Variants in EYA2 observed in about 807,000 individuals in gnomAD.
The protein encoded by EYA2 is protein phosphatase EYA2.
In EYA2, 31 loss-of-function variants were observed where a neutral mutation model predicts 69.2. The ratio of observed to expected loss-of-function variants is 0.45; its 90% CI spans 0.34 to 0.60. The LOEUF is 0.60. Among genes scored for constraint, EYA2 ranks in the 20% least tolerant of loss-of-function variants. The pLI is 0.02. For missense variants in EYA2, 622 were observed against 701.2 expected (o/e 0.89, Z 1.28); for synonymous variants, 257 against 279.4 (o/e 0.92, Z 0.80).
At chr20:47,145,616 G>C (rs570851595) in intron 10 of EYA2, among the ~76,000 whole-genome samples, 2 of 152,206 alleles carry the variant, frequency 1.3e-5, no homozygotes, top group South Asian at 2.1e-4. Context: ...GGAGAAATGT[G>C]GTCTGGGCAT....
At position 47,188,140 on chromosome 20, in the gene EYA2, C is replaced by G; in HGVS notation, c.*7C>G. 1 of 1,569,468 alleles carries G rather than the reference C, an allele frequency of 6.4e-7. No individual in the cohort carries two copies. Among genetic ancestry groups the G allele is most frequent in the South Asian group, 1.2e-5 (1 of 85,402 alleles). ...GGAGCTGGAGTATTTATAGCAGGAT[C>G]AGCAGCATCTCCACCTGCCATCTCA... On this transcript the variant is annotated 3_prime_UTR_variant, in exon 16 of 16. Coordinates refer to ENST00000327619, the MANE Select transcript of EYA2 (RefSeq NM_005244.5).
At chr20:46,920,854 G>A (rs1273217480) in intron 1 of EYA2, among the ~76,000 whole-genome samples, 1 of 152,210 alleles carries the variant, frequency 6.6e-6, no homozygotes, top group African/African-American at 2.4e-5. Flanking sequence ...GGGAGAAACT[G>A]GTGCCACCCA....
At chr20:47,007,087 G>A (rs1225181451) in intron 4 of EYA2, among the ~76,000 whole-genome samples, 4 of 151,864 alleles carry the variant, frequency 2.6e-5, no homozygotes, top group East Asian at 1.9e-4. Flanking sequence ...ACGCTACTGC[G>A]CCCTGCTAAT....
At chr20:47,148,733 A>G (rs999340816) in intron 10 of EYA2, among the ~76,000 whole-genome samples, 1 of 152,182 alleles carries the variant, frequency 6.6e-6, no homozygotes, top group African/African-American at 2.4e-5. Flanking sequence ...CACCTGGGTC[A>G]TGGGTAAGGG....
At chr20:47,154,935 T>C (rs768225860) in intron 10 of EYA2, among the ~76,000 whole-genome samples, 2 of 150,252 alleles carry the variant, frequency 1.3e-5, no homozygotes, top group Non-Finnish European at 3.0e-5. Flanking sequence ...AACCTTCACC[T>C]CCCTGGTTCA....
chr20:47,188,175 C>G lies in EYA2; in HGVS notation c.*42C>G. ...TCCACCTGCCATCTCACCCTCAGAC[C>G]CCCTCGCCTTCCCCACCTCCCCACC... On this transcript the variant is annotated 3_prime_UTR_variant, in exon 16 of 16. Coordinates refer to ENST00000327619, the MANE Select transcript of EYA2 (RefSeq NM_005244.5). 1 of 1,531,636 alleles carries G rather than the reference C, an allele frequency of 6.5e-7. No homozygotes were observed. The highest frequency in any genetic ancestry group is 8.8e-7 in the Non-Finnish European group (1 of 1,135,492). The allele number at this position is 1,531,636 out of a possible 1,614,324, so 94.9% of individuals were successfully genotyped here. A position where few individuals can be genotyped will look rare whatever the true frequency, so the allele number is the denominator to read the frequency against.
rs551712584 is a variant in EYA2, at chr20:47,026,365, G to A, written c.415+10068G>A. Among the ~76,000 whole-genome samples, 54 of 152,128 alleles carry A rather than the reference G, an allele frequency of 3.5e-4. 1 individual carries two copies. Among genetic ancestry groups the A allele is most frequent in the African/African-American group, 1.3e-3 (54 of 41,500 alleles). ...TTTTTTATAACCTTGGAGTGGAAAA[G>A]GCTTTTCTAACCAGGACTCAGAAAT... On this transcript the variant is annotated intron_variant, in intron 5 of 15. Coordinates refer to ENST00000327619, the MANE Select transcript of EYA2 (RefSeq NM_005244.5).
intron 15 of EYA2, among the ~76,000 whole-genome samples, chr20:47,186,305 A>T (rs1358027376): frequency 7.2e-6 from 1 of 139,046 alleles, no homozygotes; most frequent in African/African-American, 2.6e-5. Flanking sequence ...TCAATCTGGG[A>T]TGCCCTTCCC....
At chr20:47,135,591 G>T (rs1489514303) in intron 9 of EYA2, among the ~76,000 whole-genome samples, 1 of 151,428 alleles carries the variant, frequency 6.6e-6, no homozygotes, top group African/African-American at 2.4e-5. Context: ...GGATGAAATC[G>T]GCATGCCTTC....
intron 7 of EYA2, among the ~76,000 whole-genome samples, chr20:47,088,996 A>T (rs2031986301): frequency 1.3e-5 from 2 of 152,194 alleles, no homozygotes; most frequent in African/African-American, 4.8e-5. Context: ...ACCAGGACAT[A>T]ATCCCACTGC....
intron 10 of EYA2, among the ~76,000 whole-genome samples, chr20:47,155,707 G>T: frequency 6.6e-6 from 1 of 151,862 alleles, no homozygotes; most frequent in Non-Finnish European, 1.5e-5. Context: ...TACAGATGAG[G>T]AAACTGAGGC....
At chr20:46,906,443 G>C (rs998082607) in intron 1 of EYA2, among the ~76,000 whole-genome samples, 4 of 152,202 alleles carry the variant, frequency 2.6e-5, no homozygotes, top group African/African-American at 9.6e-5. Context: ...GTCTCTCGGG[G>C]ACATTGGTAA....
intron 5 of EYA2, among the ~76,000 whole-genome samples, chr20:47,069,548 A>G (rs1307251945): frequency 6.6e-6 from 1 of 152,188 alleles, no homozygotes; most frequent in African/African-American, 2.4e-5. Context: ...GGTATAGGAT[A>G]GATAAATCAG....
chr20:47,118,432 T>C (rs1188786320), intron 9 of EYA2, among the ~76,000 whole-genome samples: 1 of 151,812 alleles, frequency 6.6e-6, no homozygotes, highest in East Asian at 1.9e-4. Context: ...TCTGCAGTTG[T>C]CATTTTGGCG....
At chr20:46,906,629 C>T (rs1186550001) in intron 1 of EYA2, among the ~76,000 whole-genome samples, 1 of 152,168 alleles carries the variant, frequency 6.6e-6, no homozygotes. Context: ...TTATTCCTTG[C>T]AATAATTCTA....
At chr20:47,098,737 C>G (rs2032334235) in intron 9 of EYA2, among the ~76,000 whole-genome samples, 1 of 152,214 alleles carries the variant, frequency 6.6e-6, no homozygotes, top group African/African-American at 2.4e-5. Context: ...CCAGCTTCTA[C>G]TCTTGCCCAC....
intron 1 of EYA2, among the ~76,000 whole-genome samples, chr20:46,964,140 A>C (rs79226789): frequency 6.6e-6 from 1 of 152,202 alleles, no homozygotes; most frequent in African/African-American, 2.4e-5. Flanking sequence ...AAAGGTGTAC[A>C]CTGCACTGCA....
intron 5 of EYA2, among the ~76,000 whole-genome samples, chr20:47,021,576 G>A (rs1013228918): frequency 5.4e-5 from 8 of 147,832 alleles, no homozygotes; most frequent in Admixed American, 2.7e-4. Flanking sequence ...GCAGTGAGCC[G>A]AGATCACGCC....
chr20:47,073,508 A>G (rs1206814), intron 6 of EYA2, among the ~76,000 whole-genome samples: 123,494 of 151,412 alleles, frequency 0.82, 50,832 homozygotes, highest in African/African-American at 0.93. Context: ...GGGGGGGTGC[A>G]GTGTGGTCTT....
Sources: gnomAD v4.1 joint callset for allele counts (sites outside exome capture counted in the v4.1 genomes callset) on GRCh38, gnomAD v4.1.1 for gene constraint, MANE v1.5 for transcripts, NCBI Gene and HGNC (gene_info 2026-07-23, HGNC 2026-07-21) for gene names.